PHACTR1: variants seen among roughly 807,000 people sequenced by gnomAD.
PHACTR1 encodes RPEL repeat containing 1.
PHACTR1 carries 16 observed loss-of-function variants against 69.2 expected under a neutral mutation model. The ratio of observed to expected loss-of-function variants is 0.23; its 90% CI spans 0.16 to 0.35. PHACTR1 has a LOEUF of 0.35. Among genes scored for constraint, PHACTR1 ranks in the 10% least tolerant of loss-of-function variants. The pLI, the probability that PHACTR1 is intolerant of heterozygous loss-of-function variation, is 1.00. For synonymous variants in PHACTR1, 312 were observed against 284.5 expected (o/e 1.10, Z -0.97); for missense variants, 510 against 734.7 (o/e 0.69, Z 3.54).
chr6:13,103,230 G>A (rs1453248165), intron 5 of PHACTR1, among the ~76,000 whole-genome samples: 2 of 152,166 alleles, frequency 1.3e-5, no homozygotes, highest in Non-Finnish European at 2.9e-5. Flanking sequence ...TTAGTGTTCA[G>A]CAGTAGATAT....
In PHACTR1 at chr6:12,761,038, C is replaced by T. The variant is rs112020739; in HGVS notation, c.250+11248C>T. On this transcript the variant is annotated intron_variant, in intron 4 of 14. Transcript: ENST00000332995. The stretch of plus-strand genomic sequence containing the variant: ...AGCGTTCTGTGAATGGATTTGGAGA[C>T]CTGCTGGTTCCAAAACCCAAGTCTG... Among the ~76,000 whole-genome samples the T allele has an allele frequency of 4.2e-3, 638 of 152,302 alleles. 4 individuals are homozygous for T. The highest frequency in any genetic ancestry group is 0.014 in the African/African-American group (602 of 41,570).
chr6:12,728,548 T>G (rs1366007967), intron 3 of PHACTR1, among the ~76,000 whole-genome samples: 2 of 152,158 alleles, frequency 1.3e-5, no homozygotes, highest in East Asian at 3.9e-4. Context: ...TGATTTTCAC[T>G]TCCTAGCTTG....
intron 4 of PHACTR1, among the ~76,000 whole-genome samples, chr6:12,866,021 C>G (rs1053355463): frequency 6.6e-6 from 1 of 152,162 alleles, no homozygotes; most frequent in Non-Finnish European, 1.5e-5. Flanking sequence ...AGAGTCATCC[C>G]CTTTCTGCCT....
intron 10 of PHACTR1, among the ~76,000 whole-genome samples, chr6:13,239,984 C>A (rs1772588055): frequency 6.6e-6 from 1 of 150,600 alleles, no homozygotes; most frequent in African/African-American, 2.5e-5. Context: ...GTGTGGTGGA[C>A]AAAGAGCTGC....
intron 4 of PHACTR1, among the ~76,000 whole-genome samples, chr6:12,856,595 A>G (rs9395185): frequency 0.2 from 31,148 of 152,134 alleles, 3,603 homozygotes; most frequent in African/African-American, 0.31. Flanking sequence ...AAATAATTGC[A>G]GGACCAAATG....
chr6:12,741,186 C>T (rs2127585285), intron 3 of PHACTR1, among the ~76,000 whole-genome samples: 1 of 152,058 alleles, frequency 6.6e-6, no homozygotes, highest in African/African-American at 2.4e-5. Flanking sequence ...TAATATGTTA[C>T]ATTTTTAGTG....
At chr6:12,924,523 C>T (rs1788056392) in intron 4 of PHACTR1, among the ~76,000 whole-genome samples, 1 of 151,986 alleles carries the variant, frequency 6.6e-6, no homozygotes, top group African/African-American at 2.4e-5. Context: ...GCCTGTAATC[C>T]CAGCACTTTG....
chr6:13,242,140 T>G (rs1358581177), intron 10 of PHACTR1, among the ~76,000 whole-genome samples: 2 of 152,170 alleles, frequency 1.3e-5, no homozygotes, highest in African/African-American at 4.8e-5. Context: ...TCACTGGAGT[T>G]AAGCCTAATG....
chr6:12,918,829 C>T (rs895615713), intron 4 of PHACTR1, among the ~76,000 whole-genome samples: 2 of 152,194 alleles, frequency 1.3e-5, no homozygotes, highest in African/African-American at 4.8e-5. Context: ...ATATAATTTG[C>T]ACTCAAATGG....
chr6:13,085,636 A>G (rs1249522987), intron 5 of PHACTR1, among the ~76,000 whole-genome samples: 1 of 152,118 alleles, frequency 6.6e-6, no homozygotes, highest in East Asian at 1.9e-4. Context: ...CAAATCTATC[A>G]ACTTATACCT....
At chr6:12,798,004 AT>A (rs1156813403) in intron 4 of PHACTR1, among the ~76,000 whole-genome samples, 1 of 139,136 alleles carries the variant, frequency 7.2e-6, no homozygotes, top group African/African-American at 2.8e-5. Context: ...TTCCATGGTT[AT>A]TTTCTTGGAC....
intron 6 of PHACTR1, among the ~76,000 whole-genome samples, chr6:13,171,485 G>T (rs145738834): frequency 4.9e-4 from 74 of 152,348 alleles, no homozygotes; most frequent in African/African-American, 1.7e-3. Context: ...TGATTTTCAA[G>T]TCTACCTTGA....
intron 4 of PHACTR1, among the ~76,000 whole-genome samples, chr6:12,868,916 A>G (rs189476268): frequency 2.0e-5 from 3 of 152,278 alleles, no homozygotes; most frequent in South Asian, 4.1e-4. Context: ...GCAGAATTCC[A>G]AAGGGGTTCC....
At chr6:12,998,613 CAAAAAA>C (rs113893363) in intron 4 of PHACTR1, among the ~76,000 whole-genome samples, 1 of 116,532 alleles carries the variant, frequency 8.6e-6, no homozygotes, top group Non-Finnish European at 1.8e-5. Context: ...AAGACCTGGT[CAAAAAA>C]AAAAAAAAGA....
chr6:13,180,238 C>T (rs1447313149), intron 6 of PHACTR1, among the ~76,000 whole-genome samples: 1 of 152,142 alleles, frequency 6.6e-6, no homozygotes, highest in East Asian at 1.9e-4. Flanking sequence ...CTTACACCTT[C>T]TTCTCCTGTT....
intron 5 of PHACTR1, among the ~76,000 whole-genome samples, chr6:13,116,252 A>G (rs1817804096): frequency 6.6e-6 from 1 of 152,256 alleles, no homozygotes; most frequent in Non-Finnish European, 1.5e-5. Flanking sequence ...TTACAAATCC[A>G]GCATGGTGTG....
At chr6:13,061,788 A>G (rs1038396630) in intron 5 of PHACTR1, among the ~76,000 whole-genome samples, 11 of 152,198 alleles carry the variant, frequency 7.2e-5, no homozygotes, top group Non-Finnish European at 1.2e-4. Context: ...TTGAACCGAT[A>G]TTTTCTGGGA....
intron 4 of PHACTR1, among the ~76,000 whole-genome samples, chr6:12,815,741 A>G (rs143922606): frequency 2.4e-4 from 37 of 152,318 alleles, no homozygotes; most frequent in African/African-American, 7.9e-4. Context: ...TTCTCTCTGT[A>G]TAAACCCTTT....
At chr6:13,044,723 C>T (rs1804751062) in intron 4 of PHACTR1, among the ~76,000 whole-genome samples, 1 of 152,190 alleles carries the variant, frequency 6.6e-6, no homozygotes, top group African/African-American at 2.4e-5. Flanking sequence ...GACCCACATC[C>T]TCCTAGTTTC....
Sources: allele counts gnomAD v4.1 joint callset (sites outside exome capture counted in the v4.1 genomes callset), GRCh38; gene constraint gnomAD v4.1.1; transcripts MANE v1.5; gene names NCBI Gene and HGNC (gene_info 2026-07-23, HGNC 2026-07-21).